KCNQ2: variants seen among roughly 807,000 people sequenced by gnomAD.
KCNQ2 encodes the protein potassium voltage-gated channel subfamily KQT member 2.
KCNQ2 carries 14 observed loss-of-function variants against 84.8 expected under a neutral mutation model. The ratio of observed to expected loss-of-function variants is 0.17; its 90% CI spans 0.11 to 0.26. KCNQ2 has a LOEUF of 0.26. Among genes scored for constraint, KCNQ2 ranks in the 10% least tolerant of loss-of-function variants. KCNQ2 has a pLI of 1.00. For missense variants in KCNQ2, 788 were observed against 1,254.0 expected (o/e 0.63, Z 5.61); for synonymous variants, 599 against 554.1 (o/e 1.08, Z -1.14).
chr20:63,444,281 A>C (rs1361981634), intron 4 of KCNQ2, among the ~76,000 whole-genome samples: 2 of 152,218 alleles, frequency 1.3e-5, no homozygotes, highest in African/African-American at 2.4e-5. Flanking sequence ...CAGCTTAAAC[A>C]ACCACCAGGC....
chr20:63,472,565 A>G lies in KCNQ2; in HGVS notation c.-102T>C. 1.9e-6 allele frequency: 2 copies of G among 1,053,846 alleles called. No homozygotes were observed. Among genetic ancestry groups the G allele is most frequent in the Non-Finnish European group, 2.4e-6 (2 of 839,360 alleles). The allele number at this position is 1,053,846 out of a possible 1,614,324, so 65.3% of individuals were successfully genotyped here. ...CCCAGGCCCCCCGGCCGGGAGCCGC[A>G]TGGCCGAGGCGGCGGTTCCGCACTC... On this transcript the variant is annotated 5_prime_UTR_variant, in exon 1 of 17. The change abolishes an upstream ATG in the 5' untranslated region. Transcript: ENST00000359125.
chr20:63,469,529 C>T (rs2145907475), intron 1 of KCNQ2, among the ~76,000 whole-genome samples: 1 of 152,384 alleles, frequency 6.6e-6, no homozygotes, highest in East Asian at 1.9e-4. Context: ...CAGCCACCGC[C>T]CTCTCTACCC....
intron 4 of KCNQ2, among the ~76,000 whole-genome samples, chr20:63,443,012 AT>A (rs2081263332): frequency 1.1e-5 from 1 of 89,184 alleles, no homozygotes; most frequent in African/African-American, 4.6e-5. Context: ...CACCATCACC[AT>A]CACCACCACC....
At chr20:63,431,469 G>C in intron 8 of KCNQ2, 100 bp from the exon 9 acceptor site, 1 of 1,337,034 alleles carries the variant, frequency 7.5e-7, no homozygotes, top group Non-Finnish European at 1.1e-6. Flanking sequence ...AGGAAAGTAG[G>C]GGAAACAACA....
intron 12 of KCNQ2, among the ~76,000 whole-genome samples, chr20:63,416,637 G>A (rs571477687): frequency 1.3e-5 from 2 of 152,288 alleles, no homozygotes; most frequent in South Asian, 4.1e-4. Context: ...ACACTTCAGA[G>A]AGGAAGCCCA....
intron 11 of KCNQ2, among the ~76,000 whole-genome samples, chr20:63,420,590 G>A (rs917530603): frequency 5.9e-5 from 9 of 152,038 alleles, no homozygotes; most frequent in Non-Finnish European, 2.9e-5. Flanking sequence ...CCAGCCTCCC[G>A]TCTTCCTGCG....
Position 63,407,525 on chromosome 20 carries a change from GT to G in KCNQ2, c.1888-151del. On this transcript the variant is annotated intron_variant, in intron 16 of 16. Transcript: ENST00000359125. The surrounding 1 kb of genome is among the most constrained non-coding windows in gnomAD (Gnocchi z 7.2). ...CCCAGGAAACGGGGGACCCAGGCTA[GT>G]CCCAGGAGATGTGGGGACCCGGGCT... 3 of 820,492 alleles carry G rather than the reference GT, an allele frequency of 3.7e-6. No homozygotes were observed. The highest frequency in any genetic ancestry group is 5.6e-6 in the Non-Finnish European group (3 of 534,920). The allele number at this position is 820,492 out of a possible 1,614,324, so 50.8% of individuals were successfully genotyped here. A position where few individuals can be genotyped will look rare whatever the true frequency, so the allele number is the denominator to read the frequency against.
chr20:63,464,453 G>A (rs897111269), intron 1 of KCNQ2, among the ~76,000 whole-genome samples: 2 of 151,940 alleles, frequency 1.3e-5, no homozygotes, highest in African/African-American at 4.8e-5. Flanking sequence ...GAGAGCTCCC[G>A]TCGCCCCGTC....
rs747158839 is a variant in KCNQ2, at chr20:63,428,425, G to A, written c.1159C>T (p.Pro387Ser). 1.9e-6 allele frequency: 3 copies of A among 1,589,870 alleles called. No homozygotes were observed. Among genetic ancestry groups the A allele is most frequent in the East Asian group, 2.3e-5 (1 of 44,160 alleles). The change falls in exon 10 of 17, where the codon CCG becomes TCG. Residue 387 changes from proline to serine, a missense_variant. By Grantham distance (74) the Pro-to-Ser change is moderately conservative. This residue lies in a region of KCNQ2 where 202 missense variants were observed against 239.4 expected (regional missense o/e 0.84). Transcript: ENST00000359125. ...CTCAGCAGCTCCAGCTGGTTCAGCG[G>A]GGGGATAAGTCTGGGGCAAGAGAAG... ...QTYGASRLIP[P>S]LNQLELLRNL...
At chr20:63,413,211 A>C in intron 15 of KCNQ2, 2 of 560,052 alleles carry the variant, frequency 3.6e-6, no homozygotes, top group South Asian at 2.0e-5. Context: ...TCAGGGACCC[A>C]CACACACAGG....
chr20:63,421,371 G>A (rs1261557426), intron 11 of KCNQ2, among the ~76,000 whole-genome samples: 3 of 152,218 alleles, frequency 2.0e-5, no homozygotes, highest in African/African-American at 7.2e-5. Context: ...ATGGGGCAAC[G>A]TGGTCTGAGA....
Position 63,446,199 on chromosome 20 carries a change from C to A in KCNQ2, c.387+548G>T. Reference sequence around the variant, plus strand: ...CTGCAAAGGGGGCCACAGTCTCCACCCAGACCTTGGGAAGCCCCAGAACAG... The same window carrying A: ...CTGCAAAGGGGGCCACAGTCTCCACACAGACCTTGGGAAGCCCCAGAACAG... On this transcript the variant is annotated intron_variant, in intron 2 of 16. Coordinates refer to ENST00000359125, the MANE Select transcript of KCNQ2 (RefSeq NM_172107.4). The surrounding 1 kb of genome is among the most constrained non-coding windows in gnomAD (Gnocchi z 5.5). The A allele has an allele frequency of 3.8e-6, 1 of 262,998 alleles. No homozygotes were observed. Among genetic ancestry groups the A allele is most frequent in the Non-Finnish European group, 7.4e-6 (1 of 134,630 alleles). The allele number at this position is 262,998 out of a possible 1,614,324, so 16.3% of individuals were successfully genotyped here. A position where few individuals can be genotyped will look rare whatever the true frequency, so the allele number is the denominator to read the frequency against.
chr20:63,466,934 T>C (rs924372012), intron 1 of KCNQ2, among the ~76,000 whole-genome samples: 2 of 152,056 alleles, frequency 1.3e-5, no homozygotes, highest in East Asian at 3.9e-4. Flanking sequence ...CACTGGAAAA[T>C]AGTTAAGACA....
chr20:63,435,895 G>GATT (rs74980506), intron 7 of KCNQ2, among the ~76,000 whole-genome samples: 1 of 1,028 alleles, frequency 9.7e-4, no homozygotes, highest in African/African-American at 4.2e-3. Flanking sequence ...CTCATCTCTC[G>GATT]AGAGTCCCCC....
chr20:63,444,875 C>A, intron 3 of KCNQ2, 41 bp from the exon 4 acceptor site: 1 of 1,539,910 alleles, frequency 6.5e-7, no homozygotes, highest in Non-Finnish European at 8.8e-7. Flanking sequence ...CTGGGCCGCT[C>A]CCCGCACCCC....
rs150502834 is a variant in KCNQ2, at chr20:63,402,531, C to T, written c.*4113G>A. On this transcript the variant is annotated 3_prime_UTR_variant, in exon 17 of 17. Coordinates refer to ENST00000359125, the MANE Select transcript of KCNQ2 (RefSeq NM_172107.4). ...ATGGGGGTCCCTGACTGTGGGGGAC[C>T]GAGCCCAGCTGGAGTCCTCCTCCCC... is the stretch of plus-strand genomic sequence containing the variant. 9 of 152,526 alleles carry T rather than the reference C, an allele frequency of 5.9e-5. No individual in the cohort carries two copies. Among genetic ancestry groups the T allele is most frequent in the Non-Finnish European group, 7.3e-5 (5 of 68,202 alleles). The allele number at this position is 152,526 out of a possible 1,614,324, so 9.4% of individuals were successfully genotyped here. A position where few individuals can be genotyped will look rare whatever the true frequency, so the allele number is the denominator to read the frequency against.
chr20:63,465,261 A>T (rs1015600028), intron 1 of KCNQ2, among the ~76,000 whole-genome samples: 1 of 152,026 alleles, frequency 6.6e-6, no homozygotes, highest in Non-Finnish European at 1.5e-5. Flanking sequence ...CATTTCCCAG[A>T]CTCCAGACCA....
chr20:63,422,391 T>A (rs1433135048), intron 11 of KCNQ2: 3 of 152,468 alleles, frequency 2.0e-5, no homozygotes, highest in Non-Finnish European at 4.4e-5. Context: ...AGACTGCTCC[T>A]CACTCCCACC....
intron 5 of KCNQ2, 96 bp downstream of exon 5, chr20:63,442,310 T>A: frequency 6.7e-7 from 1 of 1,493,900 alleles, no homozygotes; most frequent in African/African-American, 1.5e-5. Context: ...CCCAAAGAGA[T>A]GTATGGAGCA....
Sources: gnomAD v4.1 joint callset for allele counts (sites outside exome capture counted in the v4.1 genomes callset) on GRCh38, gnomAD v4.1.1 for gene constraint, gnomAD v4.1.1 regional missense constraint, Gnocchi (gnomAD v3.1) non-coding constraint, MANE v1.5 for transcripts, NCBI Gene and HGNC (gene_info 2026-07-23, HGNC 2026-07-21) for gene names.